The following ZSCAN18 variants were observed in gnomAD, a reference collection of about 807,000 sequenced individuals.
ZSCAN18 encodes zinc finger and SCAN domain-containing protein 18.
A neutral mutation model predicts 31.1 loss-of-function variants in ZSCAN18; 16 were observed. That is an observed-to-expected ratio of 0.51 (90% CI 0.35 to 0.78). The LOEUF is 0.78. ZSCAN18 is among the 30% of genes least tolerant of loss of function. The probability of loss-of-function intolerance (pLI) is 0.01; values close to 1 mark genes in which losing one functional copy is unlikely to be tolerated. For synonymous variants in ZSCAN18, 375 were observed against 320.7 expected, an observed-to-expected ratio of 1.17 and a Z score of -1.81; for missense variants, 731 against 697.4, an observed-to-expected ratio of 1.05 and a Z score of -0.54.
intron 1 of ZSCAN18, among the ~76,000 whole-genome samples, chr19:58,107,194 C>T (rs1001004040): frequency 1.3e-5 from 2 of 152,174 alleles, no homozygotes; most frequent in African/African-American, 4.8e-5. Flanking sequence ...CATCACAGCT[C>T]TTGTCAACAA....
chr19:58,097,219 G>T (rs1373075113), intron 1 of ZSCAN18, among the ~76,000 whole-genome samples: 1 of 152,130 alleles, frequency 6.6e-6, no homozygotes. Flanking sequence ...CAGAAATGGG[G>T]GAAGCGGGGA....
intron 1 of ZSCAN18, among the ~76,000 whole-genome samples, chr19:58,112,835 C>G (rs946161171): frequency 1.3e-5 from 2 of 148,818 alleles, no homozygotes; most frequent in African/African-American, 5.0e-5. Flanking sequence ...ACTGTAATCC[C>G]AGCTACTCGG....
intron 1 of ZSCAN18, among the ~76,000 whole-genome samples, chr19:58,115,275 T>C (rs1253848515): frequency 1.3e-5 from 2 of 152,240 alleles, no homozygotes; most frequent in Non-Finnish European, 1.5e-5. Flanking sequence ...TAAGTGAAAA[T>C]AGGGCAAATA....
intron 1 of ZSCAN18, among the ~76,000 whole-genome samples, chr19:58,116,299 G>C (rs1307603717): frequency 6.7e-6 from 1 of 149,864 alleles, no homozygotes. Flanking sequence ...AAAAGGGCCA[G>C]CTTCCTGTGG....
In ZSCAN18 at chr19:58,084,859, G is replaced by A. The variant is rs542132931; in HGVS notation, c.1359C>T (p.Ser453=). 3 of 1,600,576 alleles carry A rather than the reference G, an allele frequency of 1.9e-6. No homozygotes were observed. The highest frequency in any genetic ancestry group is 2.7e-5 in the African/African-American group (2 of 74,908). Residue 453 remains serine, a synonymous_variant, in exon 7 of 7, where the codon AGC becomes AGT. Coordinates refer to ENST00000601144, the MANE Select transcript of ZSCAN18 (RefSeq NM_001145543.2). This position sits in a 1 kb window ranked among gnomAD's most constrained non-coding sequence, Gnocchi z 4.5. Reference sequence around the variant, plus strand: ...TCTTCTGGTGCTCGGCTAGGGCCAGGCTGAAGTGGAAGGTCTTCCAGCAGC... The same window carrying A: ...TCTTCTGGTGCTCGGCTAGGGCCAGACTGAAGTGGAAGGTCTTCCAGCAGC... The part of the protein sequence containing the change: ...CQGCWKTFHF[S]LALAEHQKTH...
chr19:58,113,224 G>A (rs1273910962), intron 1 of ZSCAN18, among the ~76,000 whole-genome samples: 3 of 151,598 alleles, frequency 2.0e-5, no homozygotes, highest in Non-Finnish European at 2.9e-5. Context: ...GCTGAGGCAC[G>A]AGAATGGCGT....
chr19:58,114,880 A>G (rs1018249922), intron 1 of ZSCAN18, among the ~76,000 whole-genome samples: 16 of 152,232 alleles, frequency 1.1e-4, no homozygotes, highest in African/African-American at 3.9e-4. Context: ...ATCATCATTC[A>G]TTAACACCTT....
chr19:58,104,689 T>C (rs2074621352), intron 1 of ZSCAN18, among the ~76,000 whole-genome samples: 1 of 146,828 alleles, frequency 6.8e-6, no homozygotes, highest in African/African-American at 2.6e-5. Context: ...GGCAAAAGAG[T>C]GAGACTCCAT....
chr19:58,099,146 TACACC>T (rs17173250), upstream of ZSCAN18, among the ~76,000 whole-genome samples: 84,841 of 151,504 alleles, frequency 0.56, 25,638 homozygotes, highest in Non-Finnish European at 0.68. Flanking sequence ...TAAATTTACA[TACACC>T]ACACATTTTG....
chr19:58,101,126 T>A (rs1206320450), upstream of ZSCAN18, among the ~76,000 whole-genome samples: 2 of 8,840 alleles, frequency 2.3e-4, no homozygotes, highest in African/African-American at 3.8e-4. Context: ...TTCCTCCCAC[T>A]TTTTTTTTTT....
upstream of ZSCAN18, among the ~76,000 whole-genome samples, chr19:58,098,746 C>T (rs958860738): frequency 6.6e-6 from 1 of 152,000 alleles, no homozygotes; most frequent in African/African-American, 2.4e-5. Flanking sequence ...AGAGAGAGAC[C>T]CAGAGAAAAG....
intron 2 of ZSCAN18, 127 bp from the exon 3 acceptor site, chr19:58,088,964 G>A: frequency 2.3e-6 from 2 of 868,432 alleles, no homozygotes; most frequent in Non-Finnish European, 3.4e-6. Flanking sequence ...ACCTCATCTT[G>A]GACCAGGAGA....
upstream of ZSCAN18, among the ~76,000 whole-genome samples, chr19:58,102,578 A>C (rs11879750): frequency 8.9e-3 from 1,359 of 152,330 alleles, 22 homozygotes; most frequent in African/African-American, 0.03. Flanking sequence ...TGGCTGACAC[A>C]GGCTATAAGA....
Position 58,109,092 on chromosome 19 carries a change from C to A in ZSCAN18, c.130+9175G>T, listed in dbSNP as rs949407875. ...TGGTGACCACAGCCCCTCATAGATG[C>A]TCTGGGTCCTTGTGTGTGGATGCTG... is the stretch of plus-strand genomic sequence containing the variant. On this transcript the variant is annotated intron_variant, in intron 1 of 1. Transcript: ENST00000595721. The A allele has an allele frequency of 2.4e-6, 3 of 1,227,424 alleles. No homozygotes were observed. The African/African-American group carries it at 4.7e-5, about 19-fold the overall frequency. 76.0% of individuals were successfully genotyped at this position (1,227,424 alleles called of 1,614,324 possible).
chr19:58,107,930 CTTCTCACCA>C, intron 1 of ZSCAN18: 1 of 1,075,588 alleles, frequency 9.3e-7, no homozygotes, highest in Non-Finnish European at 1.1e-6. Context: ...ACTCGTAGGG[CTTCTCACCA>C]GTATGAGTCC....
intron 1 of ZSCAN18, among the ~76,000 whole-genome samples, chr19:58,113,331 G>A (rs1395070882): frequency 2.6e-5 from 4 of 151,954 alleles, no homozygotes; most frequent in East Asian, 1.9e-4. Context: ...AAAAAAAGGC[G>A]GGGCAGAAGA....
upstream of ZSCAN18, among the ~76,000 whole-genome samples, chr19:58,101,516 C>CT (rs779441258): frequency 9.2e-5 from 12 of 129,916 alleles, no homozygotes; most frequent in African/African-American, 3.2e-4. Context: ...ACTTTATCTT[C>CT]TTCTTTTTTT....
intron 1 of ZSCAN18, among the ~76,000 whole-genome samples, chr19:58,113,327 AG>A (rs1390011955): frequency 2.0e-5 from 3 of 151,886 alleles, no homozygotes; most frequent in Non-Finnish European, 2.9e-5. Flanking sequence ...AAAAAAAAAA[AG>A]GCGGGGCAGA....
At chr19:58,089,171 C>T (rs374885234) in intron 2 of ZSCAN18, among the ~76,000 whole-genome samples, 2,171 of 148,904 alleles carry the variant, frequency 0.015, 14 homozygotes, top group Middle Eastern at 0.066. Flanking sequence ...GGCGTAGTGG[C>T]GGGCGCCTGT....
Sources: gnomAD v4.1 joint callset for allele counts (sites outside exome capture counted in the v4.1 genomes callset) on GRCh38, gnomAD v4.1.1 for gene constraint, Gnocchi (gnomAD v3.1) non-coding constraint, MANE v1.5 for transcripts, NCBI Gene and HGNC (gene_info 2026-07-23, HGNC 2026-07-21) for gene names.